RANGAP1: variants seen among roughly 807,000 people sequenced by gnomAD.
RANGAP1 encodes the protein Ran GTPase activating protein 1.
RANGAP1 carries 38 observed loss-of-function variants against 63.5 expected under a neutral mutation model. The observed-to-expected ratio is 0.60, with a 90% CI of 0.46 to 0.78. RANGAP1 has a LOEUF of 0.78. Ranked by LOEUF, RANGAP1 falls within the 30% of genes least tolerant of loss-of-function variation. The probability of loss-of-function intolerance (pLI) is 0.00; values close to 1 mark genes in which losing one functional copy is unlikely to be tolerated. For missense variants in RANGAP1, 630 were observed against 740.3 expected (o/e 0.85, Z 1.73); for synonymous variants, 329 against 310.5 (o/e 1.06, Z -0.63).
At position 41,244,976 on chromosome 22, in the gene RANGAP1, G is replaced by A. The variant is rs563426992; in HGVS notation, c.*1627C>T. ...GTCTCTGAATTTGCTTATTCTAGATGCCTCATCTAAATGGAATCATATTTG... is the reference window on the plus strand; with the variant it reads ...GTCTCTGAATTTGCTTATTCTAGATACCTCATCTAAATGGAATCATATTTG... On this transcript the variant is annotated 3_prime_UTR_variant, in exon 16 of 16. Coordinates refer to ENST00000356244, the MANE Select transcript of RANGAP1 (RefSeq NM_002883.4). Among the ~76,000 whole-genome samples the A allele has an allele frequency of 2.0e-5, 3 of 152,246 alleles. No individual in the cohort carries two copies. The highest frequency in any genetic ancestry group is 1.9e-4 in the East Asian group (1 of 5,186).
intron 5 of RANGAP1, among the ~76,000 whole-genome samples, chr22:41,262,831 T>C (rs1464943931): frequency 1.3e-5 from 2 of 152,176 alleles, no homozygotes; most frequent in African/African-American, 2.4e-5. Flanking sequence ...AACTTGGGTA[T>C]GGAGAGTTCT....
intron 6 of RANGAP1, among the ~76,000 whole-genome samples, chr22:41,258,951 A>G (rs139512): frequency 0.78 from 118,889 of 152,118 alleles, 46,479 homozygotes; most frequent in Middle Eastern, 0.81. Context: ...TACCACACCC[A>G]GCCATTCAGC....
rs890639836 is a variant in RANGAP1 at position 41,264,984 on chromosome 22, T to C, written c.301-141A>G. 9.7e-5 allele frequency: 79 copies of C among 813,654 alleles called. No individual in the cohort carries two copies. In the South Asian group the frequency reaches 1.3e-3, roughly 13 times the overall value. The allele number at this position is 813,654 out of a possible 1,614,324, so 50.4% of individuals were successfully genotyped here. On this transcript the variant is annotated intron_variant, in intron 4 of 15. Coordinates refer to ENST00000356244, the MANE Select transcript of RANGAP1 (RefSeq NM_002883.4). ...AACACAGACACAAACCATTTCAGTATTCTTAAGACTGGAAACCCTGCAAAG... is the reference window on the plus strand; with the variant it reads ...AACACAGACACAAACCATTTCAGTACTCTTAAGACTGGAAACCCTGCAAAG...
chr22:41,276,441 C>G (rs926498883), intron 2 of RANGAP1, among the ~76,000 whole-genome samples: 2 of 151,722 alleles, frequency 1.3e-5, no homozygotes, highest in African/African-American at 2.4e-5. Flanking sequence ...AGTTTGAGAC[C>G]AGCCTGTCCA....
intron 11 of RANGAP1, among the ~76,000 whole-genome samples, chr22:41,253,926 G>T (rs1357085832): frequency 6.6e-6 from 1 of 151,996 alleles, no homozygotes; most frequent in Non-Finnish European, 1.5e-5. Flanking sequence ...TGGCCAATAT[G>T]GCGAAACCCC....
chr22:41,277,071 ATTTTTTTTT>A (rs1033324630), intron 2 of RANGAP1, among the ~76,000 whole-genome samples: 4 of 90,224 alleles, frequency 4.4e-5, no homozygotes, highest in Non-Finnish European at 7.9e-5. Flanking sequence ...GAAAGTGAGG[ATTTTTTTTT>A]TTTTTTTTTT....
chr22:41,295,186 G>A, the RANGAP1 span, among the ~76,000 whole-genome samples: 37,070 of 149,774 alleles, frequency 0.25, 5,691 homozygotes, highest in Admixed American at 0.4. Flanking sequence ...CCACCACCCC[G>A]TCTGGGAGGT....
At chr22:41,279,820 G>A (rs962661699) in intron 2 of RANGAP1, among the ~76,000 whole-genome samples, 2 of 150,378 alleles carry the variant, frequency 1.3e-5, no homozygotes, top group South Asian at 2.1e-4. Flanking sequence ...AAAAAAAGCC[G>A]GGCACAGTGG....
chr22:41,285,684 C>G, intron 1 of RANGAP1: 1 of 985,274 alleles, frequency 1.0e-6, no homozygotes, highest in Non-Finnish European at 1.2e-6. Context: ...GAATCCCCGG[C>G]GGACTCGCAC....
chr22:41,265,760 A>AG (rs1393571345), intron 4 of RANGAP1, among the ~76,000 whole-genome samples: 15 of 152,316 alleles, frequency 9.8e-5, no homozygotes, highest in African/African-American at 3.6e-4. Context: ...GGGGCTGAGC[A>AG]GGTGGTCCAT....
At chr22:41,272,250 C>G (rs79704129) in intron 3 of RANGAP1, among the ~76,000 whole-genome samples, 1 of 152,102 alleles carries the variant, frequency 6.6e-6, no homozygotes, top group Admixed American at 6.5e-5. Flanking sequence ...GTTCTGAGTT[C>G]TTTGGTTGGA....
At chr22:41,264,867 C>T (rs1399850394) in intron 4 of RANGAP1, 24 bp from the exon 5 acceptor site, 2 of 1,582,632 alleles carry the variant, frequency 1.3e-6, no homozygotes, top group South Asian at 1.1e-5. Flanking sequence ...AAGCTCGTGT[C>T]AGTTTCATAG....
intron 11 of RANGAP1, 120 bp downstream of exon 11, chr22:41,254,188 A>G (rs948342517): frequency 1.9e-5 from 21 of 1,096,402 alleles, no homozygotes; most frequent in Admixed American, 7.2e-5. Flanking sequence ...CATGCAATCA[A>G]AAAAAAATGT....
the RANGAP1 span, among the ~76,000 whole-genome samples, chr22:41,302,352 A>C: frequency 3.7e-4 from 56 of 151,348 alleles, no homozygotes; most frequent in Admixed American, 1.9e-3. The surrounding 1 kb of genome is among the most constrained non-coding windows in gnomAD (Gnocchi z 5.7). Context: ...CGGGGCCTGC[A>C]GCCGGGCCCG....
chr22:41,287,370 C>A (rs1410667596), upstream of RANGAP1, among the ~76,000 whole-genome samples: 1 of 79,478 alleles, frequency 1.3e-5, no homozygotes, highest in African/African-American at 3.2e-5. Flanking sequence ...ACACAAACAG[C>A]GTTTTTTTTT....
At chr22:41,266,643 TC>T (rs1427400712) in intron 4 of RANGAP1, among the ~76,000 whole-genome samples, 1 of 152,088 alleles carries the variant, frequency 6.6e-6, no homozygotes, top group East Asian at 1.9e-4. Flanking sequence ...AAGTGATTCT[TC>T]CGCCTCAGCA....
intron 4 of RANGAP1, among the ~76,000 whole-genome samples, chr22:41,266,309 C>A (rs1248140385): frequency 2.0e-5 from 3 of 152,026 alleles, no homozygotes; most frequent in Admixed American, 2.0e-4. Flanking sequence ...ACCCCAAATT[C>A]TCTTATCCCC....
intron 2 of RANGAP1, 188 bp downstream of exon 2, chr22:41,280,745 C>T: frequency 6.6e-7 from 1 of 1,519,920 alleles, no homozygotes; most frequent in Non-Finnish European, 8.8e-7. Context: ...ATGGAAAGTG[C>T]AGGGGAGCTT....
intron 1 of RANGAP1, among the ~76,000 whole-genome samples, chr22:41,283,493 G>A (rs1032530436): frequency 6.6e-6 from 1 of 151,630 alleles, no homozygotes; most frequent in Non-Finnish European, 1.5e-5. Flanking sequence ...TGGCGACAGA[G>A]CAAGACTCCA....
Sources: gnomAD v4.1 joint callset for allele counts (sites outside exome capture counted in the v4.1 genomes callset) on GRCh38, gnomAD v4.1.1 for gene constraint, Gnocchi (gnomAD v3.1) non-coding constraint, MANE v1.5 for transcripts, NCBI Gene and HGNC (gene_info 2026-07-23, HGNC 2026-07-21) for gene names.